The following RUFY2 variants were observed in gnomAD, a reference collection of about 807,000 sequenced individuals.
RUFY2 encodes the protein RUN and FYVE domain-containing protein 2.
A neutral mutation model predicts 94.4 loss-of-function variants in RUFY2; 49 were observed. The observed-to-expected ratio is 0.52, with a 90% CI of 0.41 to 0.66. The LOEUF (loss-of-function observed/expected upper bound fraction) is 0.66, where lower values mean the gene tolerates loss of function less well. RUFY2 is among the 30% of genes least tolerant of loss of function. RUFY2 has a pLI of 0.00. For synonymous variants in RUFY2, 255 were observed against 235.7 expected, an observed-to-expected ratio of 1.08 and a Z score of -0.75; for missense variants, 541 against 692.8, an observed-to-expected ratio of 0.78 and a Z score of 2.46.
At chr10:68,384,683 A>T (rs1010210846) in intron 8 of RUFY2, among the ~76,000 whole-genome samples, 1 of 152,238 alleles carries the variant, frequency 6.6e-6, no homozygotes, top group Non-Finnish European at 1.5e-5. Context: ...TCTCACCATG[A>T]GTTAAACATG....
intron 2 of RUFY2, 91 bp downstream of exon 2, chr10:68,404,580 G>A (rs1405855042): frequency 4.7e-6 from 4 of 847,072 alleles, no homozygotes; most frequent in South Asian, 2.9e-5. Flanking sequence ...GCACAGTAAC[G>A]TAATTATGGC....
At chr10:68,358,769 G>A (rs748695834) in intron 15 of RUFY2, among the ~76,000 whole-genome samples, 1 of 151,888 alleles carries the variant, frequency 6.6e-6, no homozygotes, top group African/African-American at 2.4e-5. Context: ...AAATTAGCCG[G>A]GAGTGATGGC....
At chr10:68,378,781 C>A in intron 12 of RUFY2, 1 of 690,938 alleles carries the variant, frequency 1.4e-6, no homozygotes, top group Non-Finnish European at 2.4e-6. Flanking sequence ...AAGAGGATGT[C>A]AATAAAAGAA....
intron 2 of RUFY2, among the ~76,000 whole-genome samples, chr10:68,403,223 A>T (rs890325473): frequency 2.0e-5 from 3 of 150,138 alleles, no homozygotes; most frequent in Admixed American, 1.3e-4. Flanking sequence ...AAAAAAAAAC[A>T]GAAAAGGGAT....
intron 10 of RUFY2, among the ~76,000 whole-genome samples, chr10:68,381,836 A>G (rs180902886): frequency 1.3e-5 from 2 of 152,226 alleles, no homozygotes; most frequent in Non-Finnish European, 2.9e-5. Flanking sequence ...CAAGAGAGTA[A>G]GACTCTGTCT....
At position 68,377,141 on chromosome 10, in the gene RUFY2, G is replaced by C. The variant is rs1018440318; in HGVS notation, c.1206-169C>G. On this transcript the variant is annotated intron_variant, in intron 12 of 17. Coordinates refer to ENST00000602465, the MANE Select transcript of RUFY2 (RefSeq NM_001330103.2). ...ACGTGAAAGAGCCACACAATGTCTA[G>C]AAGTTGTTTTGTGATTTTTTTTTTT... The C allele has an allele frequency of 8.2e-6, 12 of 1,466,188 alleles. No homozygotes were observed. The African/African-American group carries it at 1.3e-4, about 16-fold the overall frequency. 90.8% of individuals were successfully genotyped at this position (1,466,188 alleles called of 1,614,324 possible). A position where few individuals can be genotyped will look rare whatever the true frequency, so the allele number is the denominator to read the frequency against.
At chr10:68,383,681 A>G in intron 10 of RUFY2, 117 bp downstream of exon 10, 2 of 720,648 alleles carry the variant, frequency 2.8e-6, no homozygotes, top group Admixed American at 4.5e-5. Flanking sequence ...TTAAGGGGTG[A>G]GCTTGCTACA....
downstream of RUFY2, chr10:68,342,304 AC>A (rs1222538938): frequency 2.7e-6 from 1 of 371,078 alleles, no homozygotes; most frequent in African/African-American, 2.1e-5. Flanking sequence ...TATACTAGTT[AC>A]TCCTAAAGAT....
At chr10:68,388,853 A>C (rs1039023424) in intron 7 of RUFY2, among the ~76,000 whole-genome samples, 22 of 124,514 alleles carry the variant, frequency 1.8e-4, no homozygotes, top group African/African-American at 5.6e-4. Flanking sequence ...AAAAAAAAAA[A>C]AGAAAAGAAA....
At chr10:68,359,909 T>C (rs1432415060) in intron 15 of RUFY2, among the ~76,000 whole-genome samples, 1 of 152,012 alleles carries the variant, frequency 6.6e-6, no homozygotes, top group Non-Finnish European at 1.5e-5. Context: ...AATATATACA[T>C]ATATGTATAC....
At chr10:68,341,823 T>TG (rs1440570198), downstream of RUFY2, 1 of 1,610,626 alleles carries the variant, frequency 6.2e-7, no homozygotes. Flanking sequence ...GTGGAGGATA[T>TG]GGTACTCCTG....
intron 15 of RUFY2, among the ~76,000 whole-genome samples, chr10:68,361,099 T>C (rs962108825): frequency 2.6e-5 from 4 of 151,722 alleles, no homozygotes; most frequent in African/African-American, 9.7e-5. Flanking sequence ...CTGGCCAACA[T>C]GGTAAAACGC....
Position 68,377,027 on chromosome 10 carries a change from A to G in RUFY2, c.1206-55T>C, listed in dbSNP as rs192628421. ...AACTGAGGCTAGAACTAGGGTGTAA[A>G]AGGGTGAAGAAGACAAATAAAAGAA... On this transcript the variant is annotated intron_variant, in intron 12 of 17. Coordinates refer to ENST00000602465, the MANE Select transcript of RUFY2 (RefSeq NM_001330103.2). 39 of 1,589,302 alleles carry G rather than the reference A, an allele frequency of 2.5e-5. No homozygotes were observed. In the Admixed American group the frequency reaches 5.6e-4, roughly 23 times the overall value.
intron 16 of RUFY2, among the ~76,000 whole-genome samples, chr10:68,354,244 A>G (rs905258336): frequency 2.0e-5 from 3 of 152,014 alleles, no homozygotes; most frequent in African/African-American, 7.3e-5. Flanking sequence ...TAGCATGATC[A>G]AGGCTCCCTG....
intron 16 of RUFY2, among the ~76,000 whole-genome samples, chr10:68,352,118 TTTTC>T (rs1466826003): frequency 1.3e-5 from 2 of 151,814 alleles, no homozygotes; most frequent in African/African-American, 2.4e-5. Context: ...ACGCAAATTC[TTTTC>T]TTTCTTTTTT....
chr10:68,367,845 T>C (rs1050463285), intron 13 of RUFY2, among the ~76,000 whole-genome samples: 5 of 151,124 alleles, frequency 3.3e-5, no homozygotes, highest in Non-Finnish European at 5.9e-5. Context: ...AGCAATCCTC[T>C]CACCTTAGCC....
At chr10:68,379,773 A>G (rs142514217) in intron 11 of RUFY2, among the ~76,000 whole-genome samples, 233 of 151,696 alleles carry the variant, frequency 1.5e-3, no homozygotes, top group African/African-American at 3.7e-3. Flanking sequence ...TACTTTATAC[A>G]TTAAAATAAT....
Position 68,371,638 on chromosome 10 carries a change from G to C in RUFY2, c.1325+5215C>G, listed in dbSNP as rs116071472. 8.0e-3 allele frequency among the ~76,000 whole-genome samples: 1,211 copies of C among 151,286 alleles called. 23 individuals are homozygous for C. The highest frequency in any genetic ancestry group is 0.028 in the African/African-American group (1,140 of 41,360). On this transcript the variant is annotated intron_variant, in intron 13 of 17. Coordinates refer to ENST00000602465, the MANE Select transcript of RUFY2 (RefSeq NM_001330103.2). ...TTCACGGTATCAGAGGCTCTGAAGG[G>C]GAGAAGAAAGCAACTGACACTAAAA...
chr10:68,390,494 C>T (rs537864248), intron 7 of RUFY2, among the ~76,000 whole-genome samples: 37 of 152,098 alleles, frequency 2.4e-4, no homozygotes, highest in African/African-American at 8.2e-4. Flanking sequence ...CCAGTATGGC[C>T]GCCATGAGCC....
Sources: allele counts gnomAD v4.1 joint callset (sites outside exome capture counted in the v4.1 genomes callset), GRCh38; gene constraint gnomAD v4.1.1; transcripts MANE v1.5; gene names NCBI Gene and HGNC (gene_info 2026-07-23, HGNC 2026-07-21).